Variants in EPM2A observed in about 807,000 individuals in gnomAD.
EPM2A encodes EPM2A glucan phosphatase, laforin, also known as laforin.
A neutral mutation model predicts 26.5 loss-of-function variants in EPM2A; 21 were observed. The ratio of observed to expected loss-of-function variants is 0.79; its 90% CI spans 0.56 to 1.14. The LOEUF (loss-of-function observed/expected upper bound fraction) is 1.14, where lower values mean the gene tolerates loss of function less well. EPM2A is among the 50% of genes most tolerant of loss of function. The pLI is 0.00. For missense variants in EPM2A, 458 were observed against 440.8 expected (o/e 1.04, Z -0.35); for synonymous variants, 217 against 177.6 (o/e 1.22, Z -1.76).
chr6:145,485,090 C>G (rs1779656400), intron 4 of EPM2A, among the ~76,000 whole-genome samples: 2 of 151,150 alleles, frequency 1.3e-5, no homozygotes. Flanking sequence ...GGTACTATCA[C>G]AAAACCAATG....
intron 2 of EPM2A, among the ~76,000 whole-genome samples, chr6:145,510,489 A>G (rs548992306): frequency 5.3e-5 from 8 of 152,328 alleles, no homozygotes; most frequent in Non-Finnish European, 1.0e-4. Context: ...CTCCTGAATG[A>G]CTTTTCAGTA....
At chr6:145,436,814 G>A (rs2114696702) in intron 4 of EPM2A, among the ~76,000 whole-genome samples, 1 of 151,772 alleles carries the variant, frequency 6.6e-6, no homozygotes, top group East Asian at 1.9e-4. Flanking sequence ...CCTCTCTAGT[G>A]AATTTTTTAT....
chr6:145,634,389 A>C (rs148077537), intron 3 of EPM2A: 1 of 152,298 alleles, frequency 6.6e-6, no homozygotes, highest in African/African-American at 2.4e-5. Flanking sequence ...ACATCTACCT[A>C]TCAAAGCCAT....
At chr6:145,640,423 G>A (rs1230907988) in intron 2 of EPM2A, 1 of 152,228 alleles carries the variant, frequency 6.6e-6, no homozygotes, top group East Asian at 1.9e-4. Flanking sequence ...AGGAATAATG[G>A]AACCAGCTTT....
At chr6:145,516,057 G>A (rs932771089) in intron 2 of EPM2A, among the ~76,000 whole-genome samples, 24 of 152,210 alleles carry the variant, frequency 1.6e-4, no homozygotes, top group East Asian at 5.8e-4. Context: ...GAGGCCAGTT[G>A]GTAACTGTCC....
intron 2 of EPM2A, among the ~76,000 whole-genome samples, chr6:145,550,036 A>G (rs1265624797): frequency 6.6e-6 from 1 of 152,128 alleles, no homozygotes; most frequent in Non-Finnish European, 1.5e-5. Context: ...AAAGTTCATA[A>G]AGTGGTGTAT....
intron 1 of EPM2A, among the ~76,000 whole-genome samples, chr6:145,717,820 A>G (rs1775721326): frequency 6.6e-6 from 1 of 151,308 alleles, no homozygotes; most frequent in Admixed American, 6.6e-5. Flanking sequence ...CTTATACACC[A>G]ATAACAGACA....
At chr6:145,608,846 A>G (rs890441087) in intron 2 of EPM2A, among the ~76,000 whole-genome samples, 1 of 152,242 alleles carries the variant, frequency 6.6e-6, no homozygotes, top group African/African-American at 2.4e-5. Flanking sequence ...GACAACAGAT[A>G]ATCTAAGTAA....
intron 2 of EPM2A, among the ~76,000 whole-genome samples, chr6:145,545,463 T>C (rs139486863): frequency 2.8e-4 from 42 of 152,290 alleles, no homozygotes; most frequent in African/African-American, 8.7e-4. Context: ...GGAAACATAT[T>C]CCTCGTAAAA....
chr6:145,726,441 G>A (rs1776210425), intron 1 of EPM2A, among the ~76,000 whole-genome samples: 1 of 152,000 alleles, frequency 6.6e-6, no homozygotes. Flanking sequence ...CTTTTTAAAC[G>A]TGAGCACTGC....
chr6:145,722,235 T>C (rs1775983139), intron 1 of EPM2A, among the ~76,000 whole-genome samples: 1 of 152,184 alleles, frequency 6.6e-6, no homozygotes, highest in Non-Finnish European at 1.5e-5. Context: ...ATGTACTTCT[T>C]GATAATGTTC....
chr6:145,686,342 T>C (rs897916946), intron 1 of EPM2A, 46 bp from the exon 2 acceptor site: 6 of 1,478,014 alleles, frequency 4.1e-6, no homozygotes, highest in Non-Finnish European at 5.7e-6. Context: ...ATCAGTGTTT[T>C]GTTTAAATAT....
At chr6:145,485,831 G>A (rs1451022186) in intron 4 of EPM2A, among the ~76,000 whole-genome samples, 3 of 152,282 alleles carry the variant, frequency 2.0e-5, no homozygotes, top group Non-Finnish European at 2.9e-5. Context: ...CAAAAGGCAC[G>A]TCTCACGTGG....
At chr6:145,643,720 T>C (rs1267259466) in intron 2 of EPM2A, among the ~76,000 whole-genome samples, 1 of 152,208 alleles carries the variant, frequency 6.6e-6, no homozygotes, top group Non-Finnish European at 1.5e-5. Context: ...ATCATGATTT[T>C]CTTCCTTTTT....
chr6:145,714,590 T>C (rs1029318907), intron 1 of EPM2A, among the ~76,000 whole-genome samples: 5 of 152,216 alleles, frequency 3.3e-5, no homozygotes, highest in South Asian at 2.1e-4. Flanking sequence ...GATAGAGACA[T>C]ACCTGAGAAA....
intron 2 of EPM2A, among the ~76,000 whole-genome samples, chr6:145,661,106 T>C (rs1202004743): frequency 2.0e-5 from 3 of 151,806 alleles, no homozygotes; most frequent in African/African-American, 7.2e-5. Context: ...GAGAAAGAAG[T>C]AGACTGGAAA....
Position 145,663,114 on chromosome 6 carries a change from A to G in EPM2A, c.476+23008T>C, listed in dbSNP as rs146930463. ...GTAAAAAAAATGTGACATACTCTGCACTGTAAAATCCTCTCATAAAATGCC... is the reference window on the plus strand; with the variant it reads ...GTAAAAAAAATGTGACATACTCTGCGCTGTAAAATCCTCTCATAAAATGCC... On this transcript the variant is annotated intron_variant, in intron 2 of 3. Coordinates refer to ENST00000367519, the MANE Select transcript of EPM2A (RefSeq NM_005670.4). Among the ~76,000 whole-genome samples, 507 of 152,332 alleles carry G rather than the reference A, an allele frequency of 3.3e-3. 1 individual carries two copies. The highest frequency in any genetic ancestry group is 0.01 in the African/African-American group (427 of 41,582).
At chr6:145,528,316 A>G (rs1780307134) in intron 2 of EPM2A, among the ~76,000 whole-genome samples, 1 of 152,166 alleles carries the variant, frequency 6.6e-6, no homozygotes. Flanking sequence ...ATATTGGGAA[A>G]AGAAGCCATG....
At position 145,709,857 on chromosome 6, in the gene EPM2A, G is replaced by A. The variant is rs184288633; in HGVS notation, c.302-23561C>T. ...AAGATTGTGGGATTGACAAAAACAA[G>A]AAATGGGGAAAAGATTCCCTATTTA... On this transcript the variant is annotated intron_variant, in intron 1 of 3. Coordinates refer to ENST00000367519, the MANE Select transcript of EPM2A (RefSeq NM_005670.4). 5.2e-3 allele frequency among the ~76,000 whole-genome samples: 797 copies of A among 152,218 alleles called. 4 individuals carry two copies. The highest frequency in any genetic ancestry group is 0.018 in the African/African-American group (763 of 41,530).
Sources: allele counts gnomAD v4.1 joint callset (sites outside exome capture counted in the v4.1 genomes callset), GRCh38; gene constraint gnomAD v4.1.1; transcripts MANE v1.5; gene names NCBI Gene and HGNC (gene_info 2026-07-23, HGNC 2026-07-21).